The following EDEM1 variants were observed in gnomAD, a reference collection of about 807,000 sequenced individuals.
EDEM1 encodes ER degradation enhancing alpha-mannosidase like protein 1.
EDEM1 carries 67 observed loss-of-function variants against 74.4 expected under a neutral mutation model. That is an observed-to-expected ratio of 0.90 (90% CI 0.74 to 1.10). EDEM1 has a LOEUF of 1.10. Ranked by LOEUF, EDEM1 falls within the 50% of genes least tolerant of loss-of-function variation. EDEM1 has a pLI of 0.00. For synonymous variants in EDEM1, 382 were observed against 335.9 expected (o/e 1.14, Z -1.50); for missense variants, 926 against 851.6 (o/e 1.09, Z -1.09).
intron 9 of EDEM1, among the ~76,000 whole-genome samples, chr3:5,210,654 T>C (rs537979788): frequency 6.6e-6 from 1 of 152,214 alleles, no homozygotes; most frequent in African/African-American, 2.4e-5. Flanking sequence ...TATATATGTA[T>C]ATATAAGAAA....
At chr3:5,203,741 T>G (rs533720421) in intron 5 of EDEM1, among the ~76,000 whole-genome samples, 1 of 152,356 alleles carries the variant, frequency 6.6e-6, no homozygotes, top group African/African-American at 2.4e-5. Context: ...TTTATTTATT[T>G]ATTTATTTTG....
intron 2 of EDEM1, among the ~76,000 whole-genome samples, chr3:5,197,720 G>A (rs2054986685): frequency 6.6e-6 from 1 of 152,198 alleles, no homozygotes; most frequent in Admixed American, 6.5e-5. Context: ...TAACAGATGT[G>A]CTAGGGAAAC....
At chr3:5,208,050 T>G in intron 7 of EDEM1, 43 bp from the exon 8 acceptor site, 1 of 1,547,370 alleles carries the variant, frequency 6.5e-7, no homozygotes, top group Non-Finnish European at 8.7e-7. Context: ...CTTGTCACTC[T>G]AGGAATGGTA....
intron 1 of EDEM1, among the ~76,000 whole-genome samples, chr3:5,191,170 G>A (rs927448971): frequency 6.6e-6 from 1 of 152,136 alleles, no homozygotes; most frequent in African/African-American, 2.4e-5. Flanking sequence ...TTTGAAACAG[G>A]AGGGTACTTC....
At chr3:5,200,790 A>T (rs1277940317) in intron 3 of EDEM1, among the ~76,000 whole-genome samples, 1 of 151,196 alleles carries the variant, frequency 6.6e-6, no homozygotes, top group East Asian at 1.9e-4. Context: ...TCTTTACCAG[A>T]TGTTACGGTG....
At position 5,215,901 on chromosome 3, in the gene EDEM1, ATGGT is replaced by A; in HGVS notation, c.1963_1966del (p.Gly655Ter). On this transcript the variant is annotated frameshift_variant, in exon 12 of 12. Coordinates refer to ENST00000256497, the MANE Select transcript of EDEM1 (RefSeq NM_014674.3). LOFTEE classifies it high-confidence loss of function. ...CATCTACATGCGACAGATTGACCAG[ATGGT>A]TGGTTTGATTTGATCTGCTCTCTGT... is the stretch of plus-strand genomic sequence containing the variant. 3 of 1,612,826 alleles carry A rather than the reference ATGGT, an allele frequency of 1.9e-6. No individual in the cohort carries two copies. The highest frequency in any genetic ancestry group is 2.5e-6 in the Non-Finnish European group (3 of 1,179,536).
rs200427526 is a variant in EDEM1 at position 5,196,913 on chromosome 3, G to GTCTTT, written c.582+1654_582+1658dup. On this transcript the variant is annotated intron_variant, in intron 2 of 11. Coordinates refer to ENST00000256497, the MANE Select transcript of EDEM1 (RefSeq NM_014674.3). ...CCCTGAGAGCTTTGTCATCGTCGTC[G>GTCTTT]TCTTTTCTTTTCTTTTCTTTTCTTT... 1.3e-3 allele frequency among the ~76,000 whole-genome samples: 198 copies of GTCTTT among 150,362 alleles called. 2 individuals are homozygous for GTCTTT. Among genetic ancestry groups the GTCTTT allele is most frequent in the African/African-American group, 3.6e-3 (145 of 40,450 alleles).
intron 7 of EDEM1, among the ~76,000 whole-genome samples, 199 bp downstream of exon 7, chr3:5,207,472 C>T (rs1048326057): frequency 6.6e-6 from 1 of 152,154 alleles, no homozygotes; most frequent in African/African-American, 2.4e-5. Flanking sequence ...AAGTGCAAAA[C>T]CGTGCTTGAG....
intron 1 of EDEM1, among the ~76,000 whole-genome samples, chr3:5,194,117 G>A (rs1191869511): frequency 6.6e-6 from 1 of 152,220 alleles, no homozygotes; most frequent in Non-Finnish European, 1.5e-5. Flanking sequence ...TGGAAGGTGA[G>A]ATAAGGACCC....
chr3:5,205,141 T>C lies in EDEM1; in HGVS notation c.1117T>C (p.Tyr373His). The change falls in exon 6 of 12, where the codon TAT (tyrosine) becomes CAT (histidine). Residue 373 changes from tyrosine (Y) to histidine (H), a missense_variant. Coordinates refer to ENST00000256497, the MANE Select transcript of EDEM1 (RefSeq NM_014674.3). Reference sequence around the variant, plus strand: ...CCTGGGTGCCGGGCTGGACTCCTTCTATGAATACCTCTTGAAATCTTACAT... The same window carrying C: ...CCTGGGTGCCGGGCTGGACTCCTTCCATGAATACCTCTTGAAATCTTACAT... ...SGLGAGLDSF[Y>H]EYLLKSYILF... The C allele has an allele frequency of 6.2e-7, 1 of 1,614,252 alleles. No individual in the cohort carries two copies. The highest frequency in any genetic ancestry group is 8.5e-7 in the Non-Finnish European group (1 of 1,180,038).
At chr3:5,200,985 C>T (rs1195808031) in intron 3 of EDEM1, among the ~76,000 whole-genome samples, 1 of 151,164 alleles carries the variant, frequency 6.6e-6, no homozygotes, top group African/African-American at 2.4e-5. Flanking sequence ...CAGCCTTGAA[C>T]TCCTGGGCTC....
chr3:5,192,941 G>A (rs1201758866), intron 1 of EDEM1, among the ~76,000 whole-genome samples: 1 of 148,312 alleles, frequency 6.7e-6, no homozygotes. Context: ...TTTTTTTACT[G>A]TGGCAGCTCA....
intron 3 of EDEM1, 95 bp from the exon 4 acceptor site, chr3:5,201,658 A>C: frequency 1.4e-6 from 2 of 1,451,712 alleles, no homozygotes; most frequent in Non-Finnish European, 1.9e-6. Context: ...TTCTGAGTCT[A>C]TGTGGATATG....
At chr3:5,214,784 A>G (rs902377221) in intron 11 of EDEM1, among the ~76,000 whole-genome samples, 1 of 152,196 alleles carries the variant, frequency 6.6e-6, no homozygotes, top group African/African-American at 2.4e-5. Context: ...CTGACCTGCC[A>G]TACTCACTAA....
rs1185251819 is a variant in EDEM1 at position 5,219,621 on chromosome 3, G to C, written c.*3703G>C. On this transcript the variant is annotated 3_prime_UTR_variant, in exon 12 of 12. Coordinates refer to ENST00000256497, the MANE Select transcript of EDEM1 (RefSeq NM_014674.3). Reference sequence around the variant, plus strand: ...AAGGCAGAGGAATAATATTTTTAAAGGTTATTTTGTTTTAGTTTTAAATAG... The same window carrying C: ...AAGGCAGAGGAATAATATTTTTAAACGTTATTTTGTTTTAGTTTTAAATAG... 1.3e-5 allele frequency: 2 copies of C among 152,432 alleles called. No homozygotes were observed. The highest frequency in any genetic ancestry group is 2.9e-5 in the Non-Finnish European group (2 of 68,038). 9.4% of individuals were successfully genotyped at this position (152,432 alleles called of 1,614,324 possible).
At chr3:5,203,235 C>G (rs912052671) in intron 5 of EDEM1, 86 bp downstream of exon 5, 2 of 1,346,096 alleles carry the variant, frequency 1.5e-6, no homozygotes, top group Non-Finnish European at 2.0e-6. Flanking sequence ...CCCCTTTTTA[C>G]TCTTCAACTC....
intron 2 of EDEM1, among the ~76,000 whole-genome samples, chr3:5,195,705 C>T (rs371471128): frequency 1.3e-5 from 2 of 152,220 alleles, no homozygotes; most frequent in East Asian, 1.9e-4. Flanking sequence ...GGAGCCCTAG[C>T]GCCCATCCTT....
chr3:5,211,251 A>T (rs556834123), intron 10 of EDEM1, 35 bp downstream of exon 10: 1 of 1,588,694 alleles, frequency 6.3e-7, no homozygotes, highest in South Asian at 1.1e-5. Flanking sequence ...AGGAATATTT[A>T]GTATTGCTTA....
At position 5,188,575 on chromosome 3, in the gene EDEM1, G is replaced by T. The variant is rs1057221407; in HGVS notation, c.509+261G>T. On this transcript the variant is annotated intron_variant, in intron 1 of 11. Transcript: ENST00000256497. ...ACTGCTGTCCAGCTCAGTGTCTTAC[G>T]CGTGAGGATACTGAGGTCCAGGACC... The T allele has an allele frequency of 1.6e-4, 62 of 380,048 alleles. No homozygotes were observed. In the East Asian group the frequency reaches 2.5e-3, roughly 15 times the overall value. 23.5% of individuals were successfully genotyped at this position (380,048 alleles called of 1,614,324 possible).
Sources: allele counts gnomAD v4.1 joint callset (sites outside exome capture counted in the v4.1 genomes callset), GRCh38; gene constraint gnomAD v4.1.1; transcripts MANE v1.5; gene names NCBI Gene and HGNC (gene_info 2026-07-23, HGNC 2026-07-21).